Variants in EDARADD observed in about 807,000 individuals in gnomAD.
The protein encoded by EDARADD is ectodysplasin-A receptor-associated adapter protein.
In EDARADD, 20 loss-of-function variants were observed where a neutral mutation model predicts 25.6. The observed-to-expected ratio is 0.78, with a 90% CI of 0.55 to 1.14. The LOEUF (loss-of-function observed/expected upper bound fraction) is 1.14, where lower values mean the gene tolerates loss of function less well. Among genes scored for constraint, EDARADD ranks in the 50% most tolerant of loss-of-function variants. The pLI, the probability that EDARADD is intolerant of heterozygous loss-of-function variation, is 0.00. For missense variants in EDARADD, 225 were observed against 270.1 expected (o/e 0.83, Z 1.17); for synonymous variants, 86 against 94.4 (o/e 0.91, Z 0.52).
intron 4 of EDARADD, among the ~76,000 whole-genome samples, chr1:236,437,244 G>T (rs968270624): frequency 6.6e-6 from 1 of 152,106 alleles, no homozygotes; most frequent in African/African-American, 2.4e-5. Context: ...TAGTTGAACA[G>T]AGAAATACTT....
chr1:236,427,778 CA>C (rs1278983463), intron 4 of EDARADD, among the ~76,000 whole-genome samples: 3 of 152,020 alleles, frequency 2.0e-5, no homozygotes, highest in African/African-American at 7.2e-5. Flanking sequence ...CTTTAAGGCA[CA>C]ACAAAACTAG....
chr1:236,370,362 G>A (rs1305157374), intron 3 of EDARADD, among the ~76,000 whole-genome samples: 3 of 151,996 alleles, frequency 2.0e-5, no homozygotes, highest in Admixed American at 6.6e-5. Context: ...CAGAGGTTGC[G>A]GTGAGCCAAG....
intron 3 of EDARADD, among the ~76,000 whole-genome samples, chr1:236,353,004 C>T (rs370518264): frequency 7.3e-4 from 98 of 134,328 alleles, no homozygotes; most frequent in African/African-American, 2.5e-3. Context: ...AGCAAGACTC[C>T]GTCTCTAAAA....
chr1:236,477,087 C>T (rs568579033), intron 5 of EDARADD, among the ~76,000 whole-genome samples: 87 of 151,200 alleles, frequency 5.8e-4, no homozygotes, highest in East Asian at 1.4e-3. Context: ...TAATCACCTG[C>T]GTTCTCATCA....
At chr1:236,405,666 C>CT (rs5781877) in intron 1 of EDARADD, among the ~76,000 whole-genome samples, 1 of 151,436 alleles carries the variant, frequency 6.6e-6, no homozygotes, top group East Asian at 1.9e-4. Flanking sequence ...CTCAATGATG[C>CT]TTTTTTTGTG....
intron 4 of EDARADD, among the ~76,000 whole-genome samples, chr1:236,434,880 G>T (rs576914427): frequency 1.2e-4 from 18 of 152,302 alleles, no homozygotes; most frequent in Non-Finnish European, 2.4e-4. Context: ...AGGCTTAAAA[G>T]CCTGTGCCTG....
intron 1 of EDARADD, among the ~76,000 whole-genome samples, chr1:236,405,874 CTTCTTTCTTTCTTTCTTTCTTTCT>C (rs869205931): frequency 0.016 from 489 of 30,822 alleles, 19 homozygotes; most frequent in African/African-American, 0.053. Context: ...TCCTTCCTTC[CTTCTTTCTTTCTTTCTTTCTTTCT>C]TTCTTTCTTT....
At chr1:236,352,372 A>T (rs1666924048) in intron 3 of EDARADD, among the ~76,000 whole-genome samples, 1 of 152,204 alleles carries the variant, frequency 6.6e-6, no homozygotes. Context: ...TGTTGAGCCA[A>T]GTGCAGGAGC....
Position 236,409,280 on chromosome 1 carries a change from T to G in EDARADD, c.120+6T>G, listed in dbSNP as rs1571917567. ...GCACTTTATCCTTTAATATGGTAGG[T>G]GACAAATTTTACACTAATGGTGATA... On this transcript the variant is annotated splice_donor_region_variant and intron_variant, in intron 2 of 5. Transcript: ENST00000334232. 1 of 1,606,698 alleles carries G rather than the reference T, an allele frequency of 6.2e-7. No homozygotes were observed. The highest frequency in any genetic ancestry group is 8.5e-7 in the Non-Finnish European group (1 of 1,173,576).
chr1:236,443,151 C>T (rs1417490303), intron 4 of EDARADD, among the ~76,000 whole-genome samples: 1 of 152,220 alleles, frequency 6.6e-6, no homozygotes, highest in Non-Finnish European at 1.5e-5. Flanking sequence ...TCACCAGATG[C>T]AGCCCCTCAA....
At chr1:236,405,663 A>G (rs1013089069) in intron 1 of EDARADD, among the ~76,000 whole-genome samples, 23 of 107,694 alleles carry the variant, frequency 2.1e-4, no homozygotes, top group Non-Finnish European at 4.6e-4. Flanking sequence ...GTCCTCAATG[A>G]TGCTTTTTTT....
chr1:236,420,340 A>T (rs1386933681), intron 3 of EDARADD, among the ~76,000 whole-genome samples: 1 of 152,228 alleles, frequency 6.6e-6, no homozygotes, highest in Non-Finnish European at 1.5e-5. Flanking sequence ...ACATGGTGCT[A>T]AAATTTCTGT....
At chr1:236,416,107 T>C (rs182677172) in intron 3 of EDARADD, among the ~76,000 whole-genome samples, 71 of 152,326 alleles carry the variant, frequency 4.7e-4, no homozygotes, top group African/African-American at 1.7e-3. Flanking sequence ...TCCTTTCTTT[T>C]CTGTCCAAAA....
chr1:236,396,410 AT>A (rs1480343970), intron 1 of EDARADD, among the ~76,000 whole-genome samples: 1 of 152,222 alleles, frequency 6.6e-6, no homozygotes, highest in Non-Finnish European at 1.5e-5. Flanking sequence ...TGAATGATCT[AT>A]CCCTCAGAGT....
intron 3 of EDARADD, among the ~76,000 whole-genome samples, chr1:236,381,903 C>T (rs560067684): frequency 1.4e-5 from 2 of 146,068 alleles, no homozygotes; most frequent in African/African-American, 5.0e-5. Context: ...TCACAGCCTC[C>T]AGAGTAACTG....
chr1:236,456,033 C>A (rs1243855449), intron 4 of EDARADD, among the ~76,000 whole-genome samples: 1 of 152,184 alleles, frequency 6.6e-6, no homozygotes, highest in Non-Finnish European at 1.5e-5. Context: ...TTGTAATCCG[C>A]CCGCCTCGGC....
intron 4 of EDARADD, among the ~76,000 whole-genome samples, chr1:236,467,532 T>C (rs1343911104): frequency 1.3e-5 from 2 of 151,848 alleles, no homozygotes; most frequent in African/African-American, 4.8e-5. Context: ...AATGGAGCCC[T>C]AATCAGAAGG....
chr1:236,439,391 G>T (rs2103021565), intron 4 of EDARADD, among the ~76,000 whole-genome samples: 2 of 152,318 alleles, frequency 1.3e-5, no homozygotes, highest in Middle Eastern at 6.8e-3. Context: ...GGCTCATACA[G>T]CAAGAGGCTG....
chr1:236,431,201 A>G (rs1340086816), intron 4 of EDARADD, among the ~76,000 whole-genome samples: 8 of 152,222 alleles, frequency 5.3e-5, no homozygotes, highest in African/African-American at 1.2e-4. Flanking sequence ...AGTGATTTTT[A>G]TAATTTAAGA....
Sources: allele counts gnomAD v4.1 joint callset (sites outside exome capture counted in the v4.1 genomes callset), GRCh38; gene constraint gnomAD v4.1.1; transcripts MANE v1.5; gene names NCBI Gene and HGNC (gene_info 2026-07-23, HGNC 2026-07-21).